The following ITGA4 variants were observed in gnomAD, a reference collection of about 807,000 sequenced individuals.
The protein encoded by ITGA4 is integrin subunit alpha 4, also known as integrin alpha-4.
In ITGA4, 63 loss-of-function variants were observed where a neutral mutation model predicts 133.6. The ratio of observed to expected loss-of-function variants is 0.47; its 90% CI spans 0.38 to 0.58. The LOEUF (loss-of-function observed/expected upper bound fraction) is 0.58. ITGA4 is among the 20% of genes least tolerant of loss of function. ITGA4 has a pLI of 0.00. For synonymous variants in ITGA4, 483 were observed against 438.0 expected, an observed-to-expected ratio of 1.10 and a Z score of -1.28; for missense variants, 1,076 against 1,252.7, an observed-to-expected ratio of 0.86 and a Z score of 2.13.
intron 7 of ITGA4, 73 bp downstream of exon 7, chr2:181,481,756 G>A: frequency 1.7e-6 from 1 of 592,122 alleles, no homozygotes. Flanking sequence ...TATTAAAGGA[G>A]AAACTGTGAA....
intron 16 of ITGA4, 36 bp downstream of exon 16, chr2:181,509,843 G>T: frequency 6.8e-7 from 1 of 1,461,548 alleles, no homozygotes; most frequent in Non-Finnish European, 9.4e-7. Flanking sequence ...TTATTGTATG[G>T]CATTTAACTA....
At chr2:181,466,186 C>A (rs930823378) in intron 2 of ITGA4, among the ~76,000 whole-genome samples, 1 of 152,042 alleles carries the variant, frequency 6.6e-6, no homozygotes, top group African/African-American at 2.4e-5. Flanking sequence ...TCTGAGGCCT[C>A]ATGATGACTC....
chr2:181,498,888 C>T, intron 15 of ITGA4, 111 bp downstream of exon 15: 7 of 1,396,714 alleles, frequency 5.0e-6, no homozygotes, highest in Non-Finnish European at 6.5e-6. Flanking sequence ...GCAACTGTTA[C>T]CCCTCCTGAA....
chr2:181,517,241 C>T (rs895703591), intron 17 of ITGA4, among the ~76,000 whole-genome samples: 4 of 151,898 alleles, frequency 2.6e-5, no homozygotes, highest in South Asian at 2.1e-4. Context: ...TATCAGTTTA[C>T]ATTATATTTT....
chr2:181,537,751 T>TTTGAA lies in ITGA4; in HGVS notation c.*2229_*2233dup, dbSNP rs1388618418. On this transcript the variant is annotated 3_prime_UTR_variant, in exon 28 of 28. Transcript: ENST00000397033. The stretch of plus-strand genomic sequence containing the variant: ...AATAAACACATTGTAAAAAAAAGAA[T>TTTGAA]TTGAATTGATATCTAAAAACAGAAT... 2.2e-6 allele frequency: 1 copy of TTTGAA among 445,204 alleles called. No individual in the cohort carries two copies. Among genetic ancestry groups the TTTGAA allele is most frequent in the Non-Finnish European group, 4.5e-6 (1 of 222,908 alleles). The allele number at this position is 445,204 out of a possible 1,614,324, so 27.6% of individuals were successfully genotyped here. A position where few individuals can be genotyped will look rare whatever the true frequency, so the allele number is the denominator to read the frequency against.
Position 181,457,687 on chromosome 2 carries a change from C to T in ITGA4, c.33C>T (p.Pro11=), listed in dbSNP as rs755868093. Residue 11 remains proline (P), a synonymous_variant, in exon 1 of 28, where the codon CCC becomes CCT. Coordinates refer to ENST00000397033, the MANE Select transcript of ITGA4 (RefSeq NM_000885.6). MAWEARREPG[P]RRAAVRETVM... is the part of the protein sequence containing the mutation. ...GGGAAGCGAGGCGCGAACCCGGCCC[C>T]CGAAGGGCCGCCGTCCGGGAGACGG... 2.0e-5 allele frequency: 33 copies of T among 1,611,436 alleles called. No individual in the cohort carries two copies. Among genetic ancestry groups the T allele is most frequent in the African/African-American group, 2.7e-5 (2 of 74,788 alleles).
intron 15 of ITGA4, among the ~76,000 whole-genome samples, chr2:181,502,711 C>T (rs1344571646): frequency 6.6e-6 from 1 of 151,966 alleles, no homozygotes; most frequent in Non-Finnish European, 1.5e-5. Flanking sequence ...AAATAGTCTT[C>T]TAGGAGAATG....
chr2:181,484,719 C>T (rs946974394), intron 9 of ITGA4, among the ~76,000 whole-genome samples: 2 of 152,150 alleles, frequency 1.3e-5, no homozygotes, highest in Admixed American at 6.5e-5. Context: ...TGTGAAGACA[C>T]CAATGGGAGT....
intron 4 of ITGA4, among the ~76,000 whole-genome samples, chr2:181,475,633 A>G (rs1434948459): frequency 2.0e-5 from 3 of 152,230 alleles, no homozygotes; most frequent in Admixed American, 2.0e-4. Flanking sequence ...TCTGATTAAA[A>G]AGAAAGACTT....
chr2:181,521,079 C>G (rs941150789), intron 17 of ITGA4, among the ~76,000 whole-genome samples: 2 of 152,120 alleles, frequency 1.3e-5, no homozygotes, highest in Non-Finnish European at 2.9e-5. Flanking sequence ...TTTCTAAATT[C>G]TGCAGTGCTA....
In ITGA4 at chr2:181,523,524, C is replaced by G. The variant is rs974804271; in HGVS notation, c.2161C>G (p.Leu721Val). ...TATTGGCTATATATATGTAGATCAT[C>G]TCTCAAGGGTAAGTGTTTCATATTT... ...CSIGYIYVDH[L>V]SRIDISFLLD... The change falls in exon 19 of 28, where the codon CTC (leucine) becomes GTC (valine). Residue 721 changes from leucine to valine, a missense_variant. Leu to Val is a conservative substitution (Grantham distance 32). Coordinates refer to ENST00000397033, the MANE Select transcript of ITGA4 (RefSeq NM_000885.6). The surrounding 1 kb of genome is among the most constrained non-coding windows in gnomAD (Gnocchi z 4.2). 6.4e-7 allele frequency: 1 copy of G among 1,557,524 alleles called. No homozygotes were observed. The highest frequency in any genetic ancestry group is 8.9e-7 in the Non-Finnish European group (1 of 1,129,332).
At chr2:181,489,801 A>G (rs67427532) in intron 10 of ITGA4, among the ~76,000 whole-genome samples, 1 of 151,994 alleles carries the variant, frequency 6.6e-6, no homozygotes, top group Non-Finnish European at 1.5e-5. Flanking sequence ...TCCACCCCAC[A>G]CAACCTCTTT....
chr2:181,486,910 T>A (rs1685933715), intron 10 of ITGA4, among the ~76,000 whole-genome samples: 1 of 152,170 alleles, frequency 6.6e-6, no homozygotes, highest in African/African-American at 2.4e-5. Flanking sequence ...GAGATTAAAG[T>A]GCTGGGGTAC....
chr2:181,488,684 G>T (rs866147514), intron 10 of ITGA4, among the ~76,000 whole-genome samples: 1 of 151,706 alleles, frequency 6.6e-6, no homozygotes, highest in Admixed American at 6.6e-5. Context: ...TCAGCCTCCC[G>T]AGTAGCTGGG....
chr2:181,537,438 TATCATGAATTTTAAAACCCTA>T lies in ITGA4; in HGVS notation c.*1912_*1932del, dbSNP rs1296201302. ...TGTTATCAACTTACTTTGTTACTTGTATCATGAATTTTAAAACCCTACCACTTTAAGAAGACAGGGATGGGT... is the reference window on the plus strand; with the variant it reads ...TGTTATCAACTTACTTTGTTACTTGTCCACTTTAAGAAGACAGGGATGGGT... On this transcript the variant is annotated 3_prime_UTR_variant, in exon 28 of 28. Coordinates refer to ENST00000397033, the MANE Select transcript of ITGA4 (RefSeq NM_000885.6). The T allele has an allele frequency of 6.6e-6, 3 of 453,968 alleles. No individual in the cohort carries two copies. The East Asian group carries it at 2.1e-4, about 32-fold the overall frequency. The allele number at this position is 453,968 out of a possible 1,614,324, so 28.1% of individuals were successfully genotyped here.
At chr2:181,497,128 TAC>T (rs1187251051) in intron 14 of ITGA4, among the ~76,000 whole-genome samples, 2 of 152,168 alleles carry the variant, frequency 1.3e-5, no homozygotes, top group Non-Finnish European at 2.9e-5. Flanking sequence ...CAGAGTAAAT[TAC>T]ACAGTAACAC....
intron 17 of ITGA4, among the ~76,000 whole-genome samples, chr2:181,520,265 AGAG>A (rs1686690499): frequency 6.6e-6 from 1 of 152,152 alleles, no homozygotes; most frequent in African/African-American, 2.4e-5. Context: ...AGATGCATGA[AGAG>A]GAGATGTTGA....
At position 181,523,284 on chromosome 2, in the gene ITGA4, T is replaced by C. The variant is rs1686759560; in HGVS notation, c.2074-153T>C. 3 of 557,666 alleles carry C rather than the reference T, an allele frequency of 5.4e-6. No homozygotes were observed. The Admixed American group carries it at 9.0e-5, about 17-fold the overall frequency. The allele number at this position is 557,666 out of a possible 1,614,324, so 34.5% of individuals were successfully genotyped here. ...CATGCACACATATTTATATCATATG[T>C]CTATTTATCTCAAACATATAAATAG... is the stretch of plus-strand genomic sequence containing the variant. On this transcript the variant is annotated intron_variant, in intron 18 of 27. Transcript: ENST00000397033. This position sits in a 1 kb window ranked among gnomAD's most constrained non-coding sequence, Gnocchi z 4.2.
rs1394034654 is a variant in ITGA4 at position 181,457,704 on chromosome 2, G to A, written c.50G>A (p.Arg17Gln). 1 of 1,612,142 alleles carries A rather than the reference G, an allele frequency of 6.2e-7. No individual in the cohort carries two copies. Among genetic ancestry groups the A allele is most frequent in the Non-Finnish European group, 8.5e-7 (1 of 1,179,630 alleles). ...REPGPRRAAVRETVMLLLCLG... is the reference protein window; with the variant it reads ...REPGPRRAAVQETVMLLLCLG... ...CCCGGCCCCCGAAGGGCCGCCGTCC[G>A]GGAGACGGTGATGCTGTTGCTGTGC... The change falls in exon 1 of 28, where the codon CGG (arginine) becomes CAG (glutamine). Residue 17 changes from arginine to glutamine, a missense_variant. This residue lies in a region of ITGA4 where 82 missense variants were observed against 68.3 expected (regional missense o/e 1.20). Coordinates refer to ENST00000397033, the MANE Select transcript of ITGA4 (RefSeq NM_000885.6).
Sources: gnomAD v4.1 joint callset for allele counts (sites outside exome capture counted in the v4.1 genomes callset) on GRCh38, gnomAD v4.1.1 for gene constraint, gnomAD v4.1.1 regional missense constraint, Gnocchi (gnomAD v3.1) non-coding constraint, MANE v1.5 for transcripts, NCBI Gene and HGNC (gene_info 2026-07-23, HGNC 2026-07-21) for gene names.